KRTCAP2: variants seen among roughly 807,000 people sequenced by gnomAD.
KRTCAP2 encodes dolichyl-diphosphooligosaccharide--protein glycosyltransferase subunit KCP2.
A neutral mutation model predicts 16.5 loss-of-function variants in KRTCAP2; 10 were observed. The ratio of observed to expected loss-of-function variants is 0.60; its 90% confidence interval spans 0.37 to 1.02. The LOEUF (loss-of-function observed/expected upper bound fraction) is 1.02. Ranked by LOEUF, KRTCAP2 falls within the 50% of genes least tolerant of loss-of-function variation. The probability of loss-of-function intolerance (pLI) is 0.01; values close to 1 mark genes in which losing one functional copy is unlikely to be tolerated. For synonymous variants in KRTCAP2, 68 were observed against 69.8 expected (o/e 0.97, Z 0.13); for missense variants, 152 against 159.6 (o/e 0.95, Z 0.26).
intron 3 of KRTCAP2, chr1:155,171,230 C>T (rs1194922184): frequency 6.5e-6 from 1 of 153,688 alleles, no homozygotes; most frequent in Non-Finnish European, 1.4e-5. Flanking sequence ...ACCAGCCTAA[C>T]CAACATGGTG....
At chr1:155,173,040 G>A in intron 1 of KRTCAP2, 148 bp from the exon 2 acceptor site, 1 of 988,250 alleles carries the variant, frequency 1.0e-6, no homozygotes, top group Non-Finnish European at 1.5e-6. Context: ...TCCCCACACC[G>A]CGCGGCAACC....
At chr1:155,173,134 G>A (rs1465270532) in intron 1 of KRTCAP2, 87 bp downstream of exon 1, 2 of 1,221,274 alleles carry the variant, frequency 1.6e-6, no homozygotes, top group Non-Finnish European at 2.3e-6. Flanking sequence ...GGACACGTCA[G>A]CTCTGTCGGG....
intron 3 of KRTCAP2, chr1:155,170,340 CAA>C (rs71077986): frequency 1.0e-3 from 75 of 74,242 alleles, no homozygotes; most frequent in Middle Eastern, 7.8e-3. Flanking sequence ...ACCCCGTCTC[CAA>C]AAAAAAAAAA....
rs779500102 is a variant in KRTCAP2 at position 155,172,728 on chromosome 1, G to A, written c.159+10C>T. On this transcript the variant is annotated intron_variant, in intron 2 of 4. Transcript: ENST00000295682. ...ACGTGGCCCGCCCCCTCCAACTGCA[G>A]GGAGGATACAGTGAGCGAGAACACG... The A allele has an allele frequency of 6.2e-7, 1 of 1,614,198 alleles. No homozygotes were observed. Among genetic ancestry groups the A allele is most frequent in the Admixed American group, 1.7e-5 (1 of 60,020 alleles).
At chr1:155,172,331 G>T in intron 3 of KRTCAP2, 1 of 1,376,722 alleles carries the variant, frequency 7.3e-7, no homozygotes, top group Admixed American at 3.0e-5. Flanking sequence ...AACCTTCCCT[G>T]GGAGCTGGCC....
intron 3 of KRTCAP2, 134 bp from the exon 4 acceptor site, chr1:155,169,991 CAGG>C (rs1407961656): frequency 4.8e-6 from 3 of 619,626 alleles, no homozygotes; most frequent in African/African-American, 3.7e-5. Flanking sequence ...GTGACTACAG[CAGG>C]AGGATTCTGA....
intron 3 of KRTCAP2, chr1:155,172,138 T>C: frequency 9.9e-7 from 1 of 1,011,234 alleles, no homozygotes; most frequent in Non-Finnish European, 1.2e-6. Context: ...CATAGATATT[T>C]GGTGCCTCTA....
At chr1:155,173,141 CG>C (rs1222179696) in intron 1 of KRTCAP2, 79 bp downstream of exon 1, 1 of 1,267,214 alleles carries the variant, frequency 7.9e-7, no homozygotes, top group African/African-American at 1.5e-5. Flanking sequence ...TCAGCTCTGT[CG>C]GGAGAGGACG....
Position 155,172,805 on chromosome 1 carries a change from G to A in KRTCAP2, c.92C>T (p.Ala31Val). The A allele has an allele frequency of 6.2e-7, 1 of 1,614,234 alleles. No homozygotes were observed. Among genetic ancestry groups the A allele is most frequent in the Non-Finnish European group, 8.5e-7 (1 of 1,180,048 alleles). ...AGMQMYSRQL[A>V]STEWLTIQGG... is the part of the protein sequence containing the mutation. ...CTGGATGGTGAGCCACTCGGTGGAG[G>A]CCAGCTGACGGCTGTACATCTGCAT... is the stretch of plus-strand genomic sequence containing the variant. The change falls in exon 2 of 5, where the codon GCC becomes GTC. Residue 31 changes from alanine to valine, a missense_variant. By Grantham distance (64) the Ala-to-Val change is moderately conservative. Transcript: ENST00000295682.
intron 3 of KRTCAP2, chr1:155,170,814 T>A (rs1455067383): frequency 6.6e-6 from 1 of 152,162 alleles, no homozygotes; most frequent in Non-Finnish European, 1.5e-5. Context: ...TTTTATTATT[T>A]TTTTTTATTT....
intron 1 of KRTCAP2, 74 bp from the exon 2 acceptor site, chr1:155,172,966 G>T: frequency 6.6e-7 from 1 of 1,525,188 alleles, no homozygotes; most frequent in Non-Finnish European, 9.0e-7. Flanking sequence ...AGATCAGCCG[G>T]TCCGGAAGCT....
chr1:155,172,264 G>A, intron 3 of KRTCAP2: 3 of 1,245,280 alleles, frequency 2.4e-6, no homozygotes, highest in Non-Finnish European at 3.1e-6. Context: ...TGGGAACAAG[G>A]ACCGCCTCCC....
At chr1:155,172,414 A>G (rs1342136076) in intron 3 of KRTCAP2, 151 bp downstream of exon 3, 2 of 1,496,018 alleles carry the variant, frequency 1.3e-6, no homozygotes, top group African/African-American at 2.8e-5. Flanking sequence ...TACAAGGTGC[A>G]GAATCGAAAA....
intron 3 of KRTCAP2, chr1:155,171,418 CAAA>C (rs57841755): frequency 2.7e-3 from 2,162 of 805,584 alleles, no homozygotes; most frequent in Middle Eastern, 3.2e-3. Flanking sequence ...GACTCCATCT[CAAA>C]AAAAAAAAAA....
At position 155,173,200 on chromosome 1, in the gene KRTCAP2, GGACCCCACC is replaced by G; in HGVS notation, c.4+12_4+20del. ...CCCGACCCCCTCTAGGACTTCCTGG[GGACCCCACC>G]GGTCCTGTTACCCATCATGCCCCGC... On this transcript the variant is annotated intron_variant, in intron 1 of 4. Transcript: ENST00000295682. 1 of 1,609,236 alleles carries G rather than the reference GGACCCCACC, an allele frequency of 6.2e-7. No homozygotes were observed. The highest frequency in any genetic ancestry group is 8.5e-7 in the Non-Finnish European group (1 of 1,176,920).
At chr1:155,172,419 C>T (rs556954583) in intron 3 of KRTCAP2, 146 bp downstream of exon 3, 8 of 1,502,666 alleles carry the variant, frequency 5.3e-6, no homozygotes, top group African/African-American at 1.4e-5. Context: ...GGTGCAGAAT[C>T]GAAAAGCGTC....
chr1:155,171,826 C>T (rs528008610), intron 3 of KRTCAP2: 50 of 886,224 alleles, frequency 5.6e-5, no homozygotes, highest in Middle Eastern at 1.2e-3. Context: ...CCAGCCTAGG[C>T]GACAGAGTAA....
intron 3 of KRTCAP2, 41 bp downstream of exon 3, chr1:155,172,524 G>C: frequency 6.2e-7 from 1 of 1,614,192 alleles, no homozygotes; most frequent in Non-Finnish European, 8.5e-7. Flanking sequence ...GGAGGTTAAA[G>C]AGGAGAAAGT....
At chr1:155,172,991 C>G in intron 1 of KRTCAP2, 99 bp from the exon 2 acceptor site, 1 of 1,292,286 alleles carries the variant, frequency 7.7e-7, no homozygotes, top group Non-Finnish European at 1.1e-6. Context: ...GGGCCGACCC[C>G]CTCCAAGAAC....
Sources: allele counts gnomAD v4.1 joint callset, GRCh38; gene constraint gnomAD v4.1.1; transcripts MANE v1.5; gene names NCBI Gene and HGNC (gene_info 2026-07-23, HGNC 2026-07-21).